The following CFLAR variants were observed in gnomAD, a reference collection of about 807,000 sequenced individuals.
CFLAR encodes the protein CASP8 and FADD like apoptosis regulator, also known as CASP8 and FADD-like apoptosis regulator.
In CFLAR, 14 loss-of-function variants were observed where a neutral mutation model predicts 51.1. The observed-to-expected ratio is 0.27, with a 90% CI of 0.18 to 0.43. CFLAR has a LOEUF of 0.43. Ranked by LOEUF, CFLAR falls within the 20% of genes least tolerant of loss-of-function variation. The probability of loss-of-function intolerance (pLI) is 1.00; values close to 1 mark genes in which losing one functional copy is unlikely to be tolerated. For missense variants in CFLAR, 390 were observed against 566.5 expected (o/e 0.69, Z 3.16); for synonymous variants, 210 against 211.6 (o/e 0.99, Z 0.06).
chr2:201,174,166 T>G lies in CFLAR; in HGVS notation c.*10193T>G, dbSNP rs1169457416. 6.6e-6 allele frequency: 1 copy of G among 151,314 alleles called. No homozygotes were observed. Among genetic ancestry groups the G allele is most frequent in the Non-Finnish European group, 1.5e-5 (1 of 68,034 alleles). The allele number at this position is 151,314 out of a possible 1,614,324, so 9.4% of individuals were successfully genotyped here. On this transcript the variant is annotated 3_prime_UTR_variant, in exon 10 of 10. Coordinates refer to ENST00000309955, the MANE Select transcript of CFLAR (RefSeq NM_003879.7). ...CTGTTTTTTATGTTATTGCTTATGCTTTTGGTGTCATACCTAAAAAACCAT... is the reference window on the plus strand; with the variant it reads ...CTGTTTTTTATGTTATTGCTTATGCGTTTGGTGTCATACCTAAAAAACCAT...
chr2:201,160,529 C>T lies in CFLAR; in HGVS notation c.891C>T (p.Ala297=), dbSNP rs1359674645. ...HGISQILGQF[A]CMPEHRDYDS... Reference sequence around the variant, plus strand: ...TATCCCAGATTCTTGGCCAATTTGCCTGTATGCCCGAGCACCGAGACTACG... The same window carrying T: ...TATCCCAGATTCTTGGCCAATTTGCTTGTATGCCCGAGCACCGAGACTACG... The change falls in exon 9 of 10, where the codon GCC becomes GCT. Residue 297 remains alanine, a synonymous_variant. Coordinates refer to ENST00000309955, the MANE Select transcript of CFLAR (RefSeq NM_003879.7). 6.2e-7 allele frequency: 1 copy of T among 1,613,102 alleles called. No homozygotes were observed. The highest frequency in any genetic ancestry group is 8.5e-7 in the Non-Finnish European group (1 of 1,179,812).
intron 1 of CFLAR, among the ~76,000 whole-genome samples, chr2:201,126,899 C>T (rs1030303986): frequency 6.6e-6 from 1 of 152,096 alleles, no homozygotes; most frequent in African/African-American, 2.4e-5. Context: ...TAATAATTGG[C>T]GATAGTCTCT....
chr2:201,119,836 A>C (rs1015108742), intron 1 of CFLAR, among the ~76,000 whole-genome samples: 1 of 148,502 alleles, frequency 6.7e-6, no homozygotes, highest in African/African-American at 2.6e-5. Context: ...GTTTCAGTTT[A>C]ATGTTTTTTT....
chr2:201,143,852 C>G (rs1305364436), intron 5 of CFLAR, among the ~76,000 whole-genome samples: 1 of 151,836 alleles, frequency 6.6e-6, no homozygotes, highest in Non-Finnish European at 1.5e-5. Context: ...ATCCCAGCTA[C>G]TCTGGAGGCC....
intron 5 of CFLAR, chr2:201,141,755 T>A: frequency 2.1e-6 from 1 of 479,462 alleles, no homozygotes; most frequent in Non-Finnish European, 2.8e-6. Context: ...TAGTACAAGG[T>A]ATCGGAATTG....
At position 201,161,732 on chromosome 2, in the gene CFLAR, A is replaced by ATTTTTC. The variant is rs1559252527; in HGVS notation, c.1304+796_1304+801dup. Among the ~76,000 whole-genome samples, 14 of 88,488 alleles carry ATTTTTC rather than the reference A, an allele frequency of 1.6e-4. 3 individuals are homozygous for ATTTTTC. The highest frequency in any genetic ancestry group is 1.4e-4 in the Non-Finnish European group (6 of 43,240). The allele number at this position is 88,488 out of a possible 152,430, so 58.1% of individuals were successfully genotyped here. ...GCCTGGCCACAAATTTTTATTTTTA[A>ATTTTTC]TTTTTCTTTTTTTTTTTTTTTTTTT... is the stretch of plus-strand genomic sequence containing the variant. On this transcript the variant is annotated intron_variant, in intron 9 of 9. Coordinates refer to ENST00000309955, the MANE Select transcript of CFLAR (RefSeq NM_003879.7).
At position 201,165,762 on chromosome 2, in the gene CFLAR, G is replaced by A. The variant is rs1943480822; in HGVS notation, c.*1789G>A. 1 of 154,630 alleles carries A rather than the reference G, an allele frequency of 6.5e-6. No homozygotes were observed. The allele number at this position is 154,630 out of a possible 1,614,324, so 9.6% of individuals were successfully genotyped here. A position where few individuals can be genotyped will look rare whatever the true frequency, so the allele number is the denominator to read the frequency against. ...AGTGTTTGTGTCCCTGGGTACTTGA[G>A]ATTAGGGAGTGGTGATGACTCTTAA... On this transcript the variant is annotated 3_prime_UTR_variant, in exon 10 of 10. Coordinates refer to ENST00000309955, the MANE Select transcript of CFLAR (RefSeq NM_003879.7).
At chr2:201,131,765 T>C (rs2125678638) in intron 2 of CFLAR, among the ~76,000 whole-genome samples, 1 of 152,266 alleles carries the variant, frequency 6.6e-6, no homozygotes, top group South Asian at 2.1e-4. Flanking sequence ...TGCAGTGGCA[T>C]GATCATAGCT....
chr2:201,147,587 C>A (rs115278988), intron 6 of CFLAR, among the ~76,000 whole-genome samples: 2 of 148,120 alleles, frequency 1.4e-5, no homozygotes, highest in Non-Finnish European at 3.0e-5. Context: ...TTAAAATACT[C>A]GGCCAGGCAT....
In CFLAR at chr2:201,131,917, T is replaced by A. The variant is rs151206797; in HGVS notation, c.282-1112T>A. 9.3e-4 allele frequency among the ~76,000 whole-genome samples: 141 copies of A among 152,260 alleles called. 1 individual carries two copies. The highest frequency in any genetic ancestry group is 3.3e-3 in the African/African-American group (135 of 41,522). Reference sequence around the variant, plus strand: ...ATAATACCTGACTTTACAAGGTTGTTGTGAGCATCAGTTGTAATAATTTAC... The same window carrying A: ...ATAATACCTGACTTTACAAGGTTGTAGTGAGCATCAGTTGTAATAATTTAC... On this transcript the variant is annotated intron_variant, in intron 2 of 9. Transcript: ENST00000309955.
Position 201,138,362 on chromosome 2 carries a change from G to C in CFLAR, c.524-1995G>C. On this transcript the variant is annotated intron_variant, in intron 4 of 9. Coordinates refer to ENST00000309955, the MANE Select transcript of CFLAR (RefSeq NM_003879.7). This position sits in a 1 kb window ranked among gnomAD's most constrained non-coding sequence, Gnocchi z 4.0. ...CTCATGGGAATCCTTGGAGGCCACAGGGTAGTCTCGGTTCTTCAGCGCGGT... is the reference window on the plus strand; with the variant it reads ...CTCATGGGAATCCTTGGAGGCCACACGGTAGTCTCGGTTCTTCAGCGCGGT... 1.3e-6 allele frequency: 1 copy of C among 769,006 alleles called. No homozygotes were observed. The allele number at this position is 769,006 out of a possible 1,614,324, so 47.6% of individuals were successfully genotyped here. A position where few individuals can be genotyped will look rare whatever the true frequency, so the allele number is the denominator to read the frequency against.
rs1011312276 is a variant in CFLAR, at chr2:201,164,082, A to G, written c.*109A>G. 8.8e-6 allele frequency: 7 copies of G among 796,202 alleles called. No homozygotes were observed. The highest frequency in any genetic ancestry group is 3.8e-4 in the Middle Eastern group (1 of 2,642). The allele number at this position is 796,202 out of a possible 1,614,324, so 49.3% of individuals were successfully genotyped here. A position where few individuals can be genotyped will look rare whatever the true frequency, so the allele number is the denominator to read the frequency against. On this transcript the variant is annotated 3_prime_UTR_variant, in exon 10 of 10. Coordinates refer to ENST00000309955, the MANE Select transcript of CFLAR (RefSeq NM_003879.7). The stretch of plus-strand genomic sequence containing the variant: ...GGAGTTCGAGACCAGCCTGGCCAAC[A>G]TGGTAAACGCTGTCCCTAGTAAAAA...
rs574832871 is a variant in CFLAR at position 201,166,221 on chromosome 2, C to T, written c.*2248C>T. ...GCTGGCCGGGCGGGGGCTGACCCCC[C>T]ACCTCCCTCCCCGACGGGGCGGCTG... On this transcript the variant is annotated 3_prime_UTR_variant, in exon 10 of 10. Coordinates refer to ENST00000309955, the MANE Select transcript of CFLAR (RefSeq NM_003879.7). The T allele has an allele frequency of 6.4e-6, 1 of 157,198 alleles. No individual in the cohort carries two copies. Among genetic ancestry groups the T allele is most frequent in the South Asian group, 1.6e-4 (1 of 6,076 alleles). The allele number at this position is 157,198 out of a possible 1,614,324, so 9.7% of individuals were successfully genotyped here. A position where few individuals can be genotyped will look rare whatever the true frequency, so the allele number is the denominator to read the frequency against.
chr2:201,161,738 C>CTTTT (rs3044256), intron 9 of CFLAR, among the ~76,000 whole-genome samples: 2 of 101,256 alleles, frequency 2.0e-5, no homozygotes, highest in African/African-American at 3.7e-5. Context: ...TTTAATTTTT[C>CTTTT]TTTTTTTTTT....
chr2:201,145,356 A>G, intron 5 of CFLAR, 22 bp from the exon 6 acceptor site: 1 of 1,485,998 alleles, frequency 6.7e-7, no homozygotes, highest in South Asian at 1.1e-5. Context: ...AGGAAGTATG[A>G]CCTTATTCTT....
chr2:201,158,197 C>T (rs1490080758), intron 8 of CFLAR, among the ~76,000 whole-genome samples: 3 of 152,176 alleles, frequency 2.0e-5, no homozygotes, highest in African/African-American at 7.2e-5. Context: ...GACTTAAACC[C>T]ACATCTTGTG....
At chr2:201,130,469 C>A (rs1169189189) in intron 2 of CFLAR, among the ~76,000 whole-genome samples, 2 of 140,618 alleles carry the variant, frequency 1.4e-5, no homozygotes, top group African/African-American at 2.7e-5. Flanking sequence ...TCAAGCGATT[C>A]TCCTGCCTCA....
chr2:201,161,247 T>C (rs1942956467), intron 9 of CFLAR, among the ~76,000 whole-genome samples: 1 of 152,134 alleles, frequency 6.6e-6, no homozygotes, highest in East Asian at 1.9e-4. Context: ...GGTGTGCGCT[T>C]ATAGTCCCAA....
At chr2:201,156,240 C>T (rs1238278019) in intron 8 of CFLAR, among the ~76,000 whole-genome samples, 3 of 152,182 alleles carry the variant, frequency 2.0e-5, no homozygotes, top group African/African-American at 7.2e-5. Context: ...AATCTCTTCC[C>T]CCTCAGAGAT....
Sources: allele counts gnomAD v4.1 joint callset (sites outside exome capture counted in the v4.1 genomes callset), GRCh38; gene constraint gnomAD v4.1.1; non-coding constraint Gnocchi (gnomAD v3.1); transcripts MANE v1.5; gene names NCBI Gene and HGNC (gene_info 2026-07-23, HGNC 2026-07-21).